NECAB1: variants seen among roughly 807,000 people sequenced by gnomAD.
NECAB1 encodes the protein N-terminal EF-hand calcium-binding protein 1.
NECAB1 carries 29 observed loss-of-function variants against 57.5 expected under a neutral mutation model. That is an observed-to-expected ratio of 0.50 (90% CI 0.38 to 0.69). The LOEUF is 0.69. Among genes scored for constraint, NECAB1 ranks in the 30% least tolerant of loss-of-function variants. The probability of loss-of-function intolerance (pLI) is 0.00; values close to 1 mark genes in which losing one functional copy is unlikely to be tolerated. For missense variants in NECAB1, 372 were observed against 413.8 expected, an observed-to-expected ratio of 0.90 and a Z score of 0.88; for synonymous variants, 142 against 147.7, an observed-to-expected ratio of 0.96 and a Z score of 0.28.
chr8:90,917,676 A>G, intron 6 of NECAB1, 48 bp downstream of exon 6: 1 of 1,516,536 alleles, frequency 6.6e-7, no homozygotes, highest in Non-Finnish European at 8.9e-7. Context: ...CTCTATGTTC[A>G]TGAAAAAACA....
At chr8:90,852,445 A>G (rs897897648) in intron 3 of NECAB1, among the ~76,000 whole-genome samples, 2 of 152,176 alleles carry the variant, frequency 1.3e-5, no homozygotes, top group African/African-American at 4.8e-5. Context: ...AGGCAGAGTA[A>G]TTCTAGGCAG....
intron 2 of NECAB1, among the ~76,000 whole-genome samples, chr8:90,803,573 T>C (rs1432018187): frequency 6.6e-6 from 1 of 152,190 alleles, no homozygotes; most frequent in Non-Finnish European, 1.5e-5. Context: ...TAACCTCAAA[T>C]ATCGTGCTGC....
intron 7 of NECAB1, 31 bp downstream of exon 7, chr8:90,925,687 C>T: frequency 1.2e-6 from 2 of 1,611,760 alleles, no homozygotes; most frequent in South Asian, 1.1e-5. Flanking sequence ...TTTTATTTGT[C>T]AAAGTCTATT....
chr8:90,835,911 T>C (rs559904171), intron 3 of NECAB1, among the ~76,000 whole-genome samples: 45 of 152,348 alleles, frequency 3.0e-4, no homozygotes, highest in African/African-American at 1.0e-3. Flanking sequence ...CCCTGCCTGA[T>C]TGATCATAGA....
chr8:90,910,482 T>C (rs1163504349), intron 5 of NECAB1, among the ~76,000 whole-genome samples: 3 of 152,304 alleles, frequency 2.0e-5, no homozygotes, highest in South Asian at 2.1e-4. Flanking sequence ...GTTTGTCTTA[T>C]AGTACTGAAA....
At chr8:90,859,452 G>A (rs914169586) in intron 3 of NECAB1, among the ~76,000 whole-genome samples, 3 of 152,182 alleles carry the variant, frequency 2.0e-5, no homozygotes, top group African/African-American at 7.2e-5. Context: ...GGGAAAGAAT[G>A]TAACTATGTG....
chr8:90,910,194 G>A, intron 5 of NECAB1, among the ~76,000 whole-genome samples: 1 of 150,020 alleles, frequency 6.7e-6, no homozygotes, highest in East Asian at 2.0e-4. Flanking sequence ...TTATGTTTTT[G>A]TTCATTTCTT....
At chr8:90,907,147 T>TGAGAGAGAGAGAGAGA (rs1310639488) in intron 5 of NECAB1, among the ~76,000 whole-genome samples, 37 of 106,594 alleles carry the variant, frequency 3.5e-4, no homozygotes, top group Non-Finnish European at 6.2e-4. Flanking sequence ...TGTGTGTGTG[T>TGAGAGAGAGAGAGAGA]GTGTGAGAGA....
intron 3 of NECAB1, among the ~76,000 whole-genome samples, chr8:90,867,572 C>T (rs1370386961): frequency 1.3e-5 from 2 of 152,164 alleles, no homozygotes; most frequent in Non-Finnish European, 2.9e-5. Context: ...TCCGAGACTT[C>T]TAAACTGTTA....
intron 10 of NECAB1, 52 bp downstream of exon 10, chr8:90,940,950 T>C: frequency 7.6e-7 from 1 of 1,324,280 alleles, no homozygotes; most frequent in East Asian, 2.5e-5. Flanking sequence ...GGGAATACAG[T>C]GAAGGCATTT....
At chr8:90,835,538 C>T (rs1176268441) in intron 3 of NECAB1, among the ~76,000 whole-genome samples, 4 of 151,932 alleles carry the variant, frequency 2.6e-5, no homozygotes, top group African/African-American at 7.3e-5. Context: ...TAAAAATACT[C>T]GCCACAAAAT....
intron 11 of NECAB1, among the ~76,000 whole-genome samples, 180 bp downstream of exon 11, chr8:90,950,064 C>T (rs1810893847): frequency 6.6e-6 from 1 of 152,166 alleles, no homozygotes; most frequent in Non-Finnish European, 1.5e-5. Context: ...TTAGAAACCA[C>T]TTCTCTCTTG....
At chr8:90,851,785 C>CCA (rs1472900734) in intron 3 of NECAB1, among the ~76,000 whole-genome samples, 5 of 152,106 alleles carry the variant, frequency 3.3e-5, no homozygotes. Context: ...ATCATTATCT[C>CCA]CCCAAATCCA....
intron 3 of NECAB1, among the ~76,000 whole-genome samples, chr8:90,842,727 C>T (rs1245454371): frequency 6.6e-6 from 1 of 152,174 alleles, no homozygotes; most frequent in Non-Finnish European, 1.5e-5. Flanking sequence ...ATTTAGATGG[C>T]CAGAGATTTT....
intron 3 of NECAB1, among the ~76,000 whole-genome samples, chr8:90,852,966 C>T (rs533554118): frequency 3.9e-5 from 6 of 152,326 alleles, no homozygotes; most frequent in South Asian, 4.1e-4. Flanking sequence ...CCACCTCATG[C>T]GAAAAGGCAG....
At chr8:90,880,380 A>G (rs1371130397) in intron 4 of NECAB1, among the ~76,000 whole-genome samples, 1 of 152,164 alleles carries the variant, frequency 6.6e-6, no homozygotes, top group African/African-American at 2.4e-5. Flanking sequence ...ATAAGTAAAT[A>G]TAAGATTTTG....
chr8:90,936,380 G>A (rs1810539251), intron 9 of NECAB1, among the ~76,000 whole-genome samples: 1 of 152,138 alleles, frequency 6.6e-6, no homozygotes, highest in African/African-American at 2.4e-5. Context: ...TATGTGCCAA[G>A]TGTTGTACTA....
chr8:90,926,237 C>G (rs771768385), intron 7 of NECAB1, among the ~76,000 whole-genome samples: 4 of 152,128 alleles, frequency 2.6e-5, no homozygotes, highest in Non-Finnish European at 4.4e-5. Flanking sequence ...TTTTATAAAG[C>G]ATGCATATAT....
intron 5 of NECAB1, among the ~76,000 whole-genome samples, chr8:90,911,432 A>G (rs1809827887): frequency 6.6e-6 from 1 of 152,098 alleles, no homozygotes; most frequent in Non-Finnish European, 1.5e-5. Flanking sequence ...AATTGTGTCT[A>G]ATTTACTATA....
Sources: allele counts gnomAD v4.1 joint callset (sites outside exome capture counted in the v4.1 genomes callset), GRCh38; gene constraint gnomAD v4.1.1; transcripts MANE v1.5; gene names NCBI Gene and HGNC (gene_info 2026-07-23, HGNC 2026-07-21).